Variants in PLEKHM1 observed in about 807,000 individuals in gnomAD.
PLEKHM1 encodes pleckstrin homology domain-containing family M member 1.
In PLEKHM1, 28 loss-of-function variants were observed where a neutral mutation model predicts 94.3. The observed-to-expected ratio is 0.30, with a 90% CI of 0.22 to 0.41. PLEKHM1 has a LOEUF of 0.41. PLEKHM1 is among the 10% of genes least tolerant of loss of function. The pLI is 1.00. For synonymous variants in PLEKHM1, 424 were observed against 581.2 expected (o/e 0.73, Z 3.89); for missense variants, 907 against 1,358.6 (o/e 0.67, Z 5.22).
intron 10 of PLEKHM1, 45 bp from the exon 11 acceptor site, chr17:45,439,679 C>A: frequency 6.2e-7 from 1 of 1,610,432 alleles, no homozygotes; most frequent in South Asian, 1.1e-5. Context: ...CGTCTGCGAT[C>A]TGCGGAGGGC....
intron 6 of PLEKHM1, among the ~76,000 whole-genome samples, chr17:45,455,955 G>A (rs2684512): frequency 1.8e-4 from 28 of 152,042 alleles, no homozygotes; most frequent in Admixed American, 1.4e-3. Context: ...TCACTGCCAC[G>A]CCCCCATCTC....
rs1272398186 is a variant in PLEKHM1 at position 45,436,977 on chromosome 17, CCT to C, written c.*879_*880del. The C allele has an allele frequency of 1.3e-5, 6 of 449,324 alleles. No homozygotes were observed. The highest frequency in any genetic ancestry group is 4.7e-5 in the Admixed American group (2 of 42,444). The allele number at this position is 449,324 out of a possible 1,614,324, so 27.8% of individuals were successfully genotyped here. A position where few individuals can be genotyped will look rare whatever the true frequency, so the allele number is the denominator to read the frequency against. ...GGCCTGGAGCATCTGCAGCAGCGCC[CCT>C]GTCTGTAGAGGGGTGAGGAGCGCAC... On this transcript the variant is annotated 3_prime_UTR_variant, in exon 12 of 12. Coordinates refer to ENST00000430334, the MANE Select transcript of PLEKHM1 (RefSeq NM_014798.3).
chr17:45,473,218 C>T (rs554188091), intron 4 of PLEKHM1, among the ~76,000 whole-genome samples: 161 of 152,144 alleles, frequency 1.1e-3, no homozygotes, highest in Non-Finnish European at 1.6e-3. Flanking sequence ...AAAACACAGG[C>T]CCCAGCACCC....
In PLEKHM1 at chr17:45,454,263, T is replaced by C. The variant is rs765285145; in HGVS notation, c.1589A>G (p.Asn530Ser). The C allele has an allele frequency of 2.5e-6, 4 of 1,605,078 alleles. No homozygotes were observed. Among genetic ancestry groups the C allele is most frequent in the East Asian group, 4.5e-5 (2 of 44,386 alleles). The change falls in exon 7 of 12, where the codon AAC becomes AGC. Residue 530 changes from asparagine (N) to serine (S), a missense_variant. This residue lies in a region of PLEKHM1 where 477 missense variants were observed against 601.5 expected (regional missense o/e 0.79). Coordinates refer to ENST00000430334, the MANE Select transcript of PLEKHM1 (RefSeq NM_014798.3). ...VVHRRQMGLS[N>S]PFRGLMKLGT... ...CAGCTTCATGAGACCCCGGAATGGG[T>C]TGGACAGTCCTGGAGGCAGAGGCAA...
chr17:45,479,103 G>A (rs1001258259), intron 2 of PLEKHM1, among the ~76,000 whole-genome samples: 3 of 151,692 alleles, frequency 2.0e-5, no homozygotes, highest in African/African-American at 7.3e-5. Flanking sequence ...GCTGGGTGTG[G>A]TGGCTCACAC....
At chr17:45,458,020 T>C (rs2051019357) in intron 6 of PLEKHM1, 149 bp downstream of exon 6, 1 of 654,714 alleles carries the variant, frequency 1.5e-6, no homozygotes. Flanking sequence ...TGAATGAACA[T>C]GATTATGATG....
rs1422669324 is a variant in PLEKHM1 at position 45,468,484 on chromosome 17, T to G, written c.1033A>C (p.Asn345His). 3 of 1,614,078 alleles carry G rather than the reference T, an allele frequency of 1.9e-6. No individual in the cohort carries two copies. The highest frequency in any genetic ancestry group is 2.5e-6 in the Non-Finnish European group (3 of 1,180,026). ...TCACAGTGCAGGTATGTGCTGGTGT[T>G]GAGGCCATGGAGGGAGAGCGAGGCC... ...PQASLSLHGL[N>H]TSTYLHCEAP... Residue 345 changes from asparagine to histidine, a missense_variant, in exon 5 of 12, where the codon AAC becomes CAC. Physicochemically the swap from Asn to His is moderately conservative, Grantham distance 68. This residue lies in a region of PLEKHM1 where 477 missense variants were observed against 601.5 expected (regional missense o/e 0.79). Coordinates refer to ENST00000430334, the MANE Select transcript of PLEKHM1 (RefSeq NM_014798.3).
intron 4 of PLEKHM1, among the ~76,000 whole-genome samples, chr17:45,473,955 G>A (rs56015792): frequency 6.6e-6 from 1 of 152,042 alleles, no homozygotes; most frequent in Admixed American, 6.6e-5. Context: ...GAAAGAACAG[G>A]GTAGAGGGAG....
intron 7 of PLEKHM1, among the ~76,000 whole-genome samples, chr17:45,451,244 G>A (rs746311997): frequency 9.9e-5 from 15 of 152,232 alleles, no homozygotes; most frequent in African/African-American, 3.1e-4. Flanking sequence ...GACCAGGGTC[G>A]GGGCTGGCAA....
Position 45,437,321 on chromosome 17 carries a change from GC to G in PLEKHM1, c.*536del, listed in dbSNP as rs1567755791. On this transcript the variant is annotated 3_prime_UTR_variant, in exon 12 of 12. Transcript: ENST00000430334. This position sits in a 1 kb window ranked among gnomAD's most constrained non-coding sequence, Gnocchi z 4.0. ...ATAGACCCTGTCCCAGCAGTGGCCT[GC>G]CCACCAGCCACCCGCTACCTCTAAG... 1 of 454,172 alleles carries G rather than the reference GC, an allele frequency of 2.2e-6. No homozygotes were observed. Among genetic ancestry groups the G allele is most frequent in the East Asian group, 7.0e-5 (1 of 14,388 alleles). The allele number at this position is 454,172 out of a possible 1,614,324, so 28.1% of individuals were successfully genotyped here.
In PLEKHM1 at chr17:45,468,592, C is replaced by T. The variant is rs144337314; in HGVS notation, c.925G>A (p.Val309Ile). 7.4e-6 allele frequency: 12 copies of T among 1,614,090 alleles called. No homozygotes were observed. Among genetic ancestry groups the T allele is most frequent in the South Asian group, 1.1e-5 (1 of 91,092 alleles). The change falls in exon 5 of 12, where the codon GTA becomes ATA. Residue 309 changes from valine (V) to isoleucine (I), a missense_variant and splice_region_variant. By Grantham distance (29) the Val-to-Ile change is conservative. Coordinates refer to ENST00000430334, the MANE Select transcript of PLEKHM1 (RefSeq NM_014798.3). ...TGGGCTTTGCTGAATTCCAACAATA[C>T]CCTAGAAGTTTTAAACAAAGAAACC... The part of the protein sequence containing the change: ...AEDSDRSLQE[V>I]LLEFSKAQVN...
At chr17:45,489,433 A>C (rs2052235836) in intron 1 of PLEKHM1, among the ~76,000 whole-genome samples, 1 of 152,192 alleles carries the variant, frequency 6.6e-6, no homozygotes, top group Non-Finnish European at 1.5e-5. Flanking sequence ...GAGAACACCA[A>C]CCAGAAGGAA....
At chr17:45,471,502 C>A (rs1435027666) in intron 4 of PLEKHM1, among the ~76,000 whole-genome samples, 1 of 151,780 alleles carries the variant, frequency 6.6e-6, no homozygotes, top group Non-Finnish European at 1.5e-5. Context: ...GTGGCTCATG[C>A]CTGTAATCCC....
intron 4 of PLEKHM1, among the ~76,000 whole-genome samples, chr17:45,471,419 A>C (rs961241910): frequency 6.7e-5 from 10 of 149,914 alleles, no homozygotes; most frequent in Admixed American, 2.0e-4. Flanking sequence ...ATAGAGTTAC[A>C]TATGACCCAG....
At chr17:45,449,618 C>A (rs1419318598) in intron 8 of PLEKHM1, among the ~76,000 whole-genome samples, 1 of 151,974 alleles carries the variant, frequency 6.6e-6, no homozygotes, top group East Asian at 1.9e-4. Flanking sequence ...ACCTAGCCAC[C>A]TGCTCATTCA....
At position 45,477,651 on chromosome 17, in the gene PLEKHM1, C is replaced by T. The variant is rs977767024; in HGVS notation, c.296+249G>A. On this transcript the variant is annotated intron_variant, in intron 3 of 11. Transcript: ENST00000430334. ...GGCCAGTCTCACCTGCTTTTTGTGACCAGTCTCAAAGCAGCCACAGGCTCT... is the reference window on the plus strand; with the variant it reads ...GGCCAGTCTCACCTGCTTTTTGTGATCAGTCTCAAAGCAGCCACAGGCTCT... 1.9e-4 allele frequency: 103 copies of T among 546,472 alleles called. No homozygotes were observed. In the Middle Eastern group the frequency reaches 4.5e-3, roughly 24 times the overall value. 33.9% of individuals were successfully genotyped at this position (546,472 alleles called of 1,614,324 possible).
intron 2 of PLEKHM1, among the ~76,000 whole-genome samples, chr17:45,478,586 A>G (rs1449559899): frequency 2.6e-5 from 4 of 152,226 alleles, no homozygotes; most frequent in Middle Eastern, 3.2e-3. Context: ...CAATAAGCCA[A>G]GAGGCAAAAA....
At chr17:45,441,360 G>A (rs978464923) in intron 9 of PLEKHM1, among the ~76,000 whole-genome samples, 9 of 152,172 alleles carry the variant, frequency 5.9e-5, no homozygotes, top group Non-Finnish European at 1.2e-4. Flanking sequence ...CCGGGGTGGA[G>A]AGGGTGAGTC....
downstream of PLEKHM1, among the ~76,000 whole-genome samples, chr17:45,435,690 C>T (rs1267070555): frequency 1.3e-5 from 2 of 152,216 alleles, no homozygotes; most frequent in African/African-American, 4.8e-5. Context: ...AGCCTGACTG[C>T]TGGGCTTGGC....
Sources: gnomAD v4.1 joint callset for allele counts (sites outside exome capture counted in the v4.1 genomes callset) on GRCh38, gnomAD v4.1.1 for gene constraint, gnomAD v4.1.1 regional missense constraint, Gnocchi (gnomAD v3.1) non-coding constraint, MANE v1.5 for transcripts, NCBI Gene and HGNC (gene_info 2026-07-23, HGNC 2026-07-21) for gene names.